Variants in GAP43 observed in about 807,000 individuals in gnomAD.
The protein encoded by GAP43 is growth associated protein 43.
A neutral mutation model predicts 18.6 loss-of-function variants in GAP43; 6 were observed. The ratio of observed to expected loss-of-function variants is 0.32; its 90% CI spans 0.18 to 0.64. The LOEUF (loss-of-function observed/expected upper bound fraction) is 0.64. GAP43 is among the 30% of genes least tolerant of loss of function. The pLI is 0.78. For missense variants in GAP43, 292 were observed against 295.5 expected (o/e 0.99, Z 0.09); for synonymous variants, 115 against 111.4 (o/e 1.03, Z -0.20).
At chr3:115,627,014 T>C (rs1038135462) in intron 1 of GAP43, among the ~76,000 whole-genome samples, 1 of 151,988 alleles carries the variant, frequency 6.6e-6, no homozygotes, top group African/African-American at 2.4e-5. Flanking sequence ...CTGAGCCATT[T>C]TACTTAATAT....
At chr3:115,631,527 C>T (rs1330490305) in intron 1 of GAP43, among the ~76,000 whole-genome samples, 2 of 152,188 alleles carry the variant, frequency 1.3e-5, no homozygotes, top group Non-Finnish European at 2.9e-5. Flanking sequence ...CTAAAGTATT[C>T]ATGGCTCTAA....
chr3:115,654,322 G>A (rs1315291967), intron 1 of GAP43, among the ~76,000 whole-genome samples: 1 of 152,186 alleles, frequency 6.6e-6, no homozygotes, highest in Admixed American at 6.5e-5. Flanking sequence ...AAACCGCAAA[G>A]GAGGAGAGTT....
rs756126779 is a variant in GAP43, at chr3:115,676,445, A to G, written c.463A>G (p.Lys155Glu). The change falls in exon 2 of 3, where the codon AAG becomes GAG. Residue 155 changes from lysine to glutamate, a missense_variant. By Grantham distance (56) the Lys-to-Glu change is moderately conservative (BLOSUM62 1). Transcript: ENST00000305124. ...KASTDNSPSS[K>E]AEDAPAKEEP... ...TTCCACTGATAACTCGCCGTCCTCC[A>G]AGGCTGAAGATGCCCCAGCCAAGGA... The G allele has an allele frequency of 5.0e-6, 8 of 1,614,118 alleles. No homozygotes were observed. The highest frequency in any genetic ancestry group is 6.8e-6 in the Non-Finnish European group (8 of 1,179,988).
intron 1 of GAP43, among the ~76,000 whole-genome samples, chr3:115,669,021 G>A (rs1214307703): frequency 6.6e-6 from 1 of 151,024 alleles, no homozygotes; most frequent in Non-Finnish European, 1.5e-5. Flanking sequence ...GCTCCAGCCT[G>A]GGTGACAGAG....
intron 1 of GAP43, among the ~76,000 whole-genome samples, chr3:115,662,405 G>T: frequency 6.6e-6 from 1 of 152,086 alleles, no homozygotes; most frequent in East Asian, 1.9e-4. Flanking sequence ...GGCAACTTTG[G>T]TTTGTTCAGC....
intron 1 of GAP43, among the ~76,000 whole-genome samples, chr3:115,648,998 G>C (rs1708492811): frequency 6.6e-6 from 1 of 152,104 alleles, no homozygotes; most frequent in Non-Finnish European, 1.5e-5. Context: ...AGGCTTAGAA[G>C]AAGGTTGAAG....
intron 1 of GAP43, among the ~76,000 whole-genome samples, chr3:115,632,818 A>G (rs1708276668): frequency 1.3e-5 from 2 of 152,198 alleles, no homozygotes. Context: ...ACTGGTGTCC[A>G]GAAGGAAATA....
rs761303392 is a variant in GAP43 at position 115,675,976 on chromosome 3, T to C, written c.31-37T>C. 3.0e-5 allele frequency: 46 copies of C among 1,556,774 alleles called. No individual in the cohort carries two copies. In the Middle Eastern group the frequency reaches 6.9e-4, roughly 23 times the overall value. ...TGAGATTTAAAGGAGAAGAATGTCA[T>C]TGAAGCCCTCTCTTTTCCCTTCTTT... On this transcript the variant is annotated intron_variant, in intron 1 of 2. Coordinates refer to ENST00000305124, the MANE Select transcript of GAP43 (RefSeq NM_002045.4).
At chr3:115,648,088 A>T (rs1708479124) in intron 1 of GAP43, among the ~76,000 whole-genome samples, 1 of 152,122 alleles carries the variant, frequency 6.6e-6, no homozygotes, top group Non-Finnish European at 1.5e-5. Context: ...CAATTTGGCT[A>T]ACCAGTTGTT....
chr3:115,705,160 A>G (rs899532239), intron 2 of GAP43, among the ~76,000 whole-genome samples: 22 of 152,314 alleles, frequency 1.4e-4, no homozygotes, highest in Non-Finnish European at 1.3e-4. Context: ...CTGAATGAAT[A>G]TGACTCATAA....
intron 2 of GAP43, among the ~76,000 whole-genome samples, chr3:115,705,361 T>C (rs1367873051): frequency 6.6e-6 from 1 of 152,160 alleles, no homozygotes; most frequent in Non-Finnish European, 1.5e-5. Flanking sequence ...ATCATGGGAT[T>C]TGGCAAACCT....
chr3:115,683,126 C>CGCGT (rs1553723460), intron 2 of GAP43, among the ~76,000 whole-genome samples: 1 of 28,622 alleles, frequency 3.5e-5, no homozygotes, highest in South Asian at 8.6e-4. Context: ...CATACATGTG[C>CGCGT]GCGCGCGTGC....
rs145872351 is a variant in GAP43, at chr3:115,639,764, C to T, written c.30+16045C>T. Among the ~76,000 whole-genome samples the T allele has an allele frequency of 1.3e-3, 198 of 152,140 alleles. 1 individual carries two copies. The highest frequency in any genetic ancestry group is 4.3e-3 in the African/African-American group (180 of 41,556). The stretch of plus-strand genomic sequence containing the variant: ...GGCCAGAAAATCAATGACTTCTCAA[C>T]CCTAACTTATGTCTCCTACACACAA... On this transcript the variant is annotated intron_variant, in intron 1 of 2. Coordinates refer to ENST00000305124, the MANE Select transcript of GAP43 (RefSeq NM_002045.4).
chr3:115,697,616 T>G (rs1709213203), intron 2 of GAP43, among the ~76,000 whole-genome samples: 1 of 152,180 alleles, frequency 6.6e-6, no homozygotes, highest in Non-Finnish European at 1.5e-5. Context: ...TGTTTCATCT[T>G]TCAATGCAAA....
intron 1 of GAP43, among the ~76,000 whole-genome samples, chr3:115,624,966 G>A (rs1385693673): frequency 2.0e-5 from 3 of 151,938 alleles, no homozygotes; most frequent in Non-Finnish European, 4.4e-5. Flanking sequence ...CTTAGGGGTG[G>A]GGTGCAAGAG....
At chr3:115,689,887 G>T (rs2107357781) in intron 2 of GAP43, among the ~76,000 whole-genome samples, 1 of 152,288 alleles carries the variant, frequency 6.6e-6, no homozygotes, top group South Asian at 2.1e-4. Flanking sequence ...GTAGAAAAGA[G>T]AAAGAAGGAA....
intron 2 of GAP43, among the ~76,000 whole-genome samples, chr3:115,715,773 C>T (rs1370795030): frequency 1.3e-5 from 2 of 152,168 alleles, no homozygotes; most frequent in African/African-American, 2.4e-5. Flanking sequence ...AATTTTTAAA[C>T]GTTGTAATCT....
intron 1 of GAP43, among the ~76,000 whole-genome samples, chr3:115,650,136 G>A (rs193166130): frequency 7.2e-4 from 110 of 152,230 alleles, no homozygotes; most frequent in African/African-American, 2.6e-3. Context: ...GTTGGAGGTG[G>A]ATCCATCTTG....
At chr3:115,691,866 A>C (rs1195727872) in intron 2 of GAP43, among the ~76,000 whole-genome samples, 2 of 151,986 alleles carry the variant, frequency 1.3e-5, no homozygotes, top group Non-Finnish European at 2.9e-5. Context: ...CAATCTAGGG[A>C]TTCAATAGAA....
Sources: allele counts gnomAD v4.1 joint callset (sites outside exome capture counted in the v4.1 genomes callset), GRCh38; gene constraint gnomAD v4.1.1; transcripts MANE v1.5; gene names NCBI Gene and HGNC (gene_info 2026-07-23, HGNC 2026-07-21).